EYA1: variants seen among roughly 807,000 people sequenced by gnomAD.
EYA1 encodes the protein protein phosphatase EYA1.
A neutral mutation model predicts 82.0 loss-of-function variants in EYA1; 16 were observed. The ratio of observed to expected loss-of-function variants is 0.20; its 90% CI spans 0.13 to 0.30. The LOEUF is 0.30. Among genes scored for constraint, EYA1 ranks in the 10% least tolerant of loss-of-function variants. The pLI is 1.00. For synonymous variants in EYA1, 261 were observed against 264.4 expected, an observed-to-expected ratio of 0.99 and a Z score of 0.12; for missense variants, 633 against 730.7, an observed-to-expected ratio of 0.87 and a Z score of 1.54.
At chr8:71,530,433 C>A (rs1814170715) in intron 2 of EYA1, among the ~76,000 whole-genome samples, 1 of 152,102 alleles carries the variant, frequency 6.6e-6, no homozygotes, top group Admixed American at 6.5e-5. Flanking sequence ...TTACAGAAGT[C>A]CTAAGAAAAG....
intron 17 of EYA1, among the ~76,000 whole-genome samples, chr8:71,208,732 A>T (rs1052783267): frequency 8.8e-6 from 1 of 113,640 alleles, no homozygotes; most frequent in Admixed American, 8.7e-5. Context: ...GTATAATAAA[A>T]AAAAGAAAAA....
chr8:71,275,328 G>A (rs1163924691), intron 9 of EYA1, among the ~76,000 whole-genome samples: 1 of 152,188 alleles, frequency 6.6e-6, no homozygotes, highest in Non-Finnish European at 1.5e-5. Context: ...TACAAGGTAC[G>A]GGACTTAGGA....
At chr8:71,376,116 T>C (rs928124772) in intron 2 of EYA1, among the ~76,000 whole-genome samples, 24 of 152,214 alleles carry the variant, frequency 1.6e-4, no homozygotes, top group African/African-American at 5.8e-4. Flanking sequence ...AGTGCTATTA[T>C]AGTTAGCCAA....
intron 1 of EYA1, among the ~76,000 whole-genome samples, chr8:71,540,381 A>G (rs1815050185): frequency 6.6e-6 from 1 of 152,226 alleles, no homozygotes; most frequent in African/African-American, 2.4e-5. Context: ...TTGTACAGGT[A>G]AACCTTATCT....
At chr8:71,257,405 T>A (rs1176959115) in intron 11 of EYA1, among the ~76,000 whole-genome samples, 1 of 152,214 alleles carries the variant, frequency 6.6e-6, no homozygotes, top group African/African-American at 2.4e-5. Context: ...TAAGACAAGA[T>A]TGGCTGTTTT....
chr8:71,493,788 C>G (rs1393675875), intron 2 of EYA1, among the ~76,000 whole-genome samples: 1 of 150,710 alleles, frequency 6.6e-6, no homozygotes, highest in East Asian at 1.9e-4. Flanking sequence ...CTTTGGGAGG[C>G]CGAGGCGGGC....
intron 2 of EYA1, among the ~76,000 whole-genome samples, chr8:71,451,038 A>ACCCATTAAAT (rs1807324071): frequency 6.6e-6 from 1 of 152,270 alleles, no homozygotes; most frequent in South Asian, 2.1e-4. Context: ...TACTATTATC[A>ACCCATTAAAT]CCCATTAAAT....
chr8:71,267,132 T>C (rs745506407), intron 11 of EYA1, among the ~76,000 whole-genome samples: 5 of 152,198 alleles, frequency 3.3e-5, no homozygotes, highest in East Asian at 1.9e-4. Flanking sequence ...ATCTCCTCCA[T>C]TGTGGTCCCC....
intron 2 of EYA1, among the ~76,000 whole-genome samples, chr8:71,502,942 A>G (rs1051059847): frequency 2.0e-5 from 3 of 152,222 alleles, no homozygotes; most frequent in Non-Finnish European, 4.4e-5. Context: ...TGCCCCACCA[A>G]ACATGCACAC....
chr8:71,257,992 T>C (rs1466018589), intron 11 of EYA1, among the ~76,000 whole-genome samples: 1 of 152,174 alleles, frequency 6.6e-6, no homozygotes, highest in African/African-American at 2.4e-5. Context: ...AGAGAATGGC[T>C]CTCATGAATA....
chr8:71,343,362 G>C (rs978250703), intron 3 of EYA1, among the ~76,000 whole-genome samples: 1 of 152,206 alleles, frequency 6.6e-6, no homozygotes, highest in South Asian at 2.1e-4. Context: ...CTTAATCCCC[G>C]ATGTGTCAGT....
intron 2 of EYA1, among the ~76,000 whole-genome samples, chr8:71,497,690 C>A (rs1811518582): frequency 6.6e-6 from 1 of 151,996 alleles, no homozygotes; most frequent in African/African-American, 2.4e-5. Context: ...ACAGAACTAC[C>A]CTTTGATTCA....
At chr8:71,219,244 C>G (rs1809590978) in intron 12 of EYA1, among the ~76,000 whole-genome samples, 2 of 152,186 alleles carry the variant, frequency 1.3e-5, no homozygotes, top group South Asian at 2.1e-4. Context: ...CTCTTAGTGT[C>G]AACACCTTCA....
At chr8:71,453,265 C>T (rs528760953) in intron 2 of EYA1, among the ~76,000 whole-genome samples, 2 of 152,280 alleles carry the variant, frequency 1.3e-5, no homozygotes, top group African/African-American at 4.8e-5. Context: ...AAATATGAGA[C>T]TATGTGAAAA....
chr8:71,255,074 TA>T (rs1267105960), intron 11 of EYA1, among the ~76,000 whole-genome samples: 5 of 152,112 alleles, frequency 3.3e-5, no homozygotes, highest in African/African-American at 1.2e-4. Context: ...TGAAAAATTT[TA>T]AAAAATTATT....
At chr8:71,247,786 GTC>G (rs1813286727) in intron 11 of EYA1, among the ~76,000 whole-genome samples, 1 of 152,110 alleles carries the variant, frequency 6.6e-6, no homozygotes, top group South Asian at 2.1e-4. Flanking sequence ...AAACAGATGT[GTC>G]TAAAACAAAA....
intron 3 of EYA1, among the ~76,000 whole-genome samples, chr8:71,350,778 C>T (rs1826226640): frequency 6.6e-6 from 1 of 152,144 alleles, no homozygotes; most frequent in Non-Finnish European, 1.5e-5. Flanking sequence ...AAAATAAACA[C>T]TCAAACCAGC....
At chr8:71,425,104 C>CAAAAAAAAA (rs71264555) in intron 2 of EYA1, among the ~76,000 whole-genome samples, 811 of 74,542 alleles carry the variant, frequency 0.011, no homozygotes, top group East Asian at 0.029. Context: ...ACTAAAAATA[C>CAAAAAAAAA]AAAAAAAAAA....
chr8:71,373,873 T>G (rs1032105202), intron 2 of EYA1, among the ~76,000 whole-genome samples: 1 of 152,048 alleles, frequency 6.6e-6, no homozygotes, highest in Admixed American at 6.6e-5. Flanking sequence ...AGACCACCAA[T>G]AAGACCAATA....
Sources: gnomAD v4.1 joint callset for allele counts (sites outside exome capture counted in the v4.1 genomes callset) on GRCh38, gnomAD v4.1.1 for gene constraint, MANE v1.5 for transcripts, NCBI Gene and HGNC (gene_info 2026-07-23, HGNC 2026-07-21) for gene names.